PRKN: variants seen among roughly 807,000 people sequenced by gnomAD.
The protein encoded by PRKN is parkin RBR E3 ubiquitin protein ligase, also known as E3 ubiquitin-protein ligase parkin.
A neutral mutation model predicts 59.5 loss-of-function variants in PRKN; 56 were observed. The ratio of observed to expected loss-of-function variants is 0.94; its 90% CI spans 0.76 to 1.18. The LOEUF (loss-of-function observed/expected upper bound fraction) is 1.18. Ranked by LOEUF, PRKN falls within the 50% of genes most tolerant of loss-of-function variation. PRKN has a pLI of 0.00. For missense variants in PRKN, 657 were observed against 596.4 expected (o/e 1.10, Z -1.06); for synonymous variants, 250 against 222.1 (o/e 1.13, Z -1.12).
chr6:161,403,976 C>CT (rs1288559111), intron 9 of PRKN, among the ~76,000 whole-genome samples: 1 of 152,130 alleles, frequency 6.6e-6, no homozygotes, highest in Non-Finnish European at 1.5e-5. Flanking sequence ...GCCAAATAAA[C>CT]TTTTCTTTAT....
Position 161,903,098 on chromosome 6 carries a change from G to A in PRKN, c.734+70204C>T, listed in dbSNP as rs561406760. Reference sequence around the variant, plus strand: ...CTATTGTCTTTAAAGGCAGATGTCCGAAGTTGCCCAGCACCCAGTGTCTAG... The same window carrying A: ...CTATTGTCTTTAAAGGCAGATGTCCAAAGTTGCCCAGCACCCAGTGTCTAG... On this transcript the variant is annotated intron_variant, in intron 6 of 11. Transcript: ENST00000366898. Among the ~76,000 whole-genome samples, 9 of 152,244 alleles carry A rather than the reference G, an allele frequency of 5.9e-5. No homozygotes were observed. The South Asian group carries it at 1.5e-3, about 25-fold the overall frequency.
At chr6:161,478,580 C>G (rs771811565) in intron 9 of PRKN, among the ~76,000 whole-genome samples, 1 of 152,230 alleles carries the variant, frequency 6.6e-6, no homozygotes, top group African/African-American at 2.4e-5. Flanking sequence ...TGCAGTGGCT[C>G]ACACCTGTAA....
chr6:161,690,900 C>G (rs1469250635), intron 7 of PRKN, among the ~76,000 whole-genome samples: 2 of 152,174 alleles, frequency 1.3e-5, no homozygotes, highest in Non-Finnish European at 2.9e-5. Context: ...AACGCAAGAA[C>G]CAATTTCTCA....
At chr6:161,950,942 CA>C (rs1779965982) in intron 6 of PRKN, among the ~76,000 whole-genome samples, 2 of 122,322 alleles carry the variant, frequency 1.6e-5, no homozygotes, top group South Asian at 2.7e-4. Flanking sequence ...TGCCCTATTC[CA>C]GGGGCATTGA....
At chr6:162,085,459 T>A (rs958374218) in intron 4 of PRKN, among the ~76,000 whole-genome samples, 1 of 152,120 alleles carries the variant, frequency 6.6e-6, no homozygotes, top group African/African-American at 2.4e-5. Context: ...AAACTTTGTA[T>A]TAAATGTTAG....
chr6:162,271,628 ATG>A (rs1780400050), intron 2 of PRKN: 1 of 152,178 alleles, frequency 6.6e-6, no homozygotes, highest in South Asian at 2.1e-4. Context: ...TAACAATGAA[ATG>A]TGTTTCAAGA....
intron 1 of PRKN, among the ~76,000 whole-genome samples, chr6:162,501,242 C>T (rs1167977939): frequency 6.6e-6 from 1 of 152,074 alleles, no homozygotes; most frequent in Non-Finnish European, 1.5e-5. Flanking sequence ...GAGTTTGGAT[C>T]AGTGAGGGTT....
At chr6:162,439,514 T>C (rs1024295846) in intron 2 of PRKN, among the ~76,000 whole-genome samples, 2 of 152,170 alleles carry the variant, frequency 1.3e-5, no homozygotes, top group African/African-American at 2.4e-5. Flanking sequence ...GATTCTTCCT[T>C]GGGTTCTAAA....
chr6:162,411,545 A>T (rs1023684351), intron 2 of PRKN, among the ~76,000 whole-genome samples: 1 of 152,212 alleles, frequency 6.6e-6, no homozygotes, highest in African/African-American at 2.4e-5. Flanking sequence ...AAGCAAAAAC[A>T]TAATATTATT....
At chr6:162,451,226 C>T (rs1382053918) in intron 1 of PRKN, among the ~76,000 whole-genome samples, 1 of 151,860 alleles carries the variant, frequency 6.6e-6, no homozygotes. Context: ...TTAAAAGTAT[C>T]TAACATTTCA....
intron 2 of PRKN, among the ~76,000 whole-genome samples, chr6:162,272,652 G>A (rs903218750): frequency 4.6e-5 from 7 of 151,860 alleles, no homozygotes; most frequent in South Asian, 2.1e-4. Context: ...ATATACCTCC[G>A]CGATTGCAAA....
intron 5 of PRKN, among the ~76,000 whole-genome samples, chr6:162,031,538 C>CT (rs57437847): frequency 0.12 from 17,012 of 141,122 alleles, 1,329 homozygotes; most frequent in African/African-American, 0.23. Context: ...TTTTCTTTTT[C>CT]TTTTTTTTTT....
At chr6:162,725,138 A>T (rs1779088729) in intron 1 of PRKN, among the ~76,000 whole-genome samples, 2 of 152,212 alleles carry the variant, frequency 1.3e-5, no homozygotes, top group Non-Finnish European at 2.9e-5. Context: ...ACACTCAATA[A>T]AGATTCTCCT....
rs530812729 is a variant in PRKN, at chr6:161,445,885, G to A, written c.1084-59008C>T. ...GTTTCCTTTGCCCGGAGAGTTCAGA[G>A]GCCTTAGTTCTGGAAAGCCTCCTGT... On this transcript the variant is annotated intron_variant, in intron 9 of 11. Coordinates refer to ENST00000366898, the MANE Select transcript of PRKN (RefSeq NM_004562.3). The surrounding 1 kb of genome is among the most constrained non-coding windows in gnomAD (Gnocchi z 7.7). Among the ~76,000 whole-genome samples the A allele has an allele frequency of 6.6e-6, 1 of 151,834 alleles. No homozygotes were observed. The highest frequency in any genetic ancestry group is 2.1e-4 in the South Asian group (1 of 4,796).
chr6:162,187,591 CTT>C (rs1784084894), intron 4 of PRKN, among the ~76,000 whole-genome samples: 1 of 152,048 alleles, frequency 6.6e-6, no homozygotes, highest in Admixed American at 6.5e-5. Context: ...ACATGGCAAG[CTT>C]TTTATTTGTT....
rs150936122 is a variant in PRKN at position 162,726,851 on chromosome 6, A to G, written c.7+811T>C. Among the ~76,000 whole-genome samples the G allele has an allele frequency of 7.9e-3, 1,200 of 152,298 alleles. 17 individuals carry two copies. Among genetic ancestry groups the G allele is most frequent in the African/African-American group, 0.027 (1,141 of 41,564 alleles). ...TTTTTCAAACATATGGTGCATTTCCATTAATTTTCAGGGATAGCCCCTAAA... is the reference window on the plus strand; with the variant it reads ...TTTTTCAAACATATGGTGCATTTCCGTTAATTTTCAGGGATAGCCCCTAAA... On this transcript the variant is annotated intron_variant, in intron 1 of 11. Coordinates refer to ENST00000366898, the MANE Select transcript of PRKN (RefSeq NM_004562.3).
At chr6:162,577,388 T>C (rs1780603600) in intron 1 of PRKN, among the ~76,000 whole-genome samples, 1 of 148,084 alleles carries the variant, frequency 6.8e-6, no homozygotes, top group South Asian at 2.1e-4. Flanking sequence ...TCACCTAAGG[T>C]CAGGAGTTCG....
rs527678469 is a variant in PRKN at position 161,785,623 on chromosome 6, G to T, written c.871+149C>A. 7.6e-4 allele frequency: 611 copies of T among 805,044 alleles called. 2 individuals carry two copies. Among genetic ancestry groups the T allele is most frequent in the Admixed American group, 1.8e-3 (86 of 48,372 alleles). 49.9% of individuals were successfully genotyped at this position (805,044 alleles called of 1,614,324 possible). A position where few individuals can be genotyped will look rare whatever the true frequency, so the allele number is the denominator to read the frequency against. On this transcript the variant is annotated intron_variant, in intron 7 of 11. Transcript: ENST00000366898. ...ATTCCCCAGAACTTTTATCTTTTGC[G>T]ATCCAAACATTAATGTTTCATATCC...
chr6:161,380,201 G>A (rs756847378), intron 10 of PRKN, among the ~76,000 whole-genome samples: 10 of 152,134 alleles, frequency 6.6e-5, no homozygotes, highest in Non-Finnish European at 1.0e-4. Context: ...TTCCCTGCCT[G>A]AAGAGCTCAT....
Sources: allele counts gnomAD v4.1 joint callset (sites outside exome capture counted in the v4.1 genomes callset), GRCh38; gene constraint gnomAD v4.1.1; non-coding constraint Gnocchi (gnomAD v3.1); transcripts MANE v1.5; gene names NCBI Gene and HGNC (gene_info 2026-07-23, HGNC 2026-07-21).